Variants in NDUFA5 observed in about 807,000 individuals in gnomAD.
NDUFA5 encodes the protein NADH dehydrogenase [ubiquinone] 1 alpha subcomplex subunit 5.
In NDUFA5, 11 loss-of-function variants were observed where a neutral mutation model predicts 19.8. The ratio of observed to expected loss-of-function variants is 0.56; its 90% CI spans 0.35 to 0.92. The LOEUF (loss-of-function observed/expected upper bound fraction) is 0.92, where lower values mean the gene tolerates loss of function less well. NDUFA5 is among the 40% of genes least tolerant of loss of function. NDUFA5 has a pLI of 0.01. For missense variants in NDUFA5, 109 were observed against 134.2 expected (o/e 0.81, Z 0.93); for synonymous variants, 47 against 46.8 (o/e 1.00, Z -0.01).
upstream of NDUFA5, among the ~76,000 whole-genome samples, chr7:123,562,278 G>A (rs924984913): frequency 2.0e-5 from 3 of 152,012 alleles, no homozygotes; most frequent in East Asian, 3.9e-4. Context: ...CAGGGTCCTA[G>A]GATTTTCAGG....
upstream of NDUFA5, among the ~76,000 whole-genome samples, chr7:123,560,291 A>G (rs1474834133): frequency 6.6e-6 from 1 of 152,228 alleles, no homozygotes; most frequent in Non-Finnish European, 1.5e-5. Flanking sequence ...TTCCACTCTC[A>G]CCACTTCTAT....
chr7:123,589,190 T>C, the NDUFA5 span, among the ~76,000 whole-genome samples: 1 of 151,834 alleles, frequency 6.6e-6, no homozygotes, highest in Admixed American at 6.6e-5. Flanking sequence ...GAACTCTTAA[T>C]ATTTCCTTAC....
the NDUFA5 span, among the ~76,000 whole-genome samples, chr7:123,599,364 C>T: frequency 6.6e-6 from 1 of 152,186 alleles, no homozygotes; most frequent in Non-Finnish European, 1.5e-5. Flanking sequence ...GATAAAGCTC[C>T]AGTTCTGACA....
At chr7:123,589,324 C>A in the NDUFA5 span, among the ~76,000 whole-genome samples, 1 of 96,508 alleles carries the variant, frequency 1.0e-5, no homozygotes, top group Non-Finnish European at 2.1e-5. Flanking sequence ...TTATTATTAT[C>A]ATTATTATTA....
rs756399898 is a variant in NDUFA5, at chr7:123,545,611, C to G, written c.249G>C (p.Gln83His). 6.2e-7 allele frequency: 1 copy of G among 1,610,122 alleles called. No homozygotes were observed. Among genetic ancestry groups the G allele is most frequent in the South Asian group, 1.1e-5 (1 of 90,722 alleles). Reference sequence around the variant, plus strand: ...CCTAAATAGTCAACTTTTTCTTTACCTGAAGAATCACCTCTTCTAATTGAC... The same window carrying G: ...CCTAAATAGTCAACTTTTTCTTTACGTGAAGAATCACCTCTTCTAATTGAC... ...QGGQLEEVIL[Q>H]AEHELNLARK... Residue 83 changes from glutamine (Q) to histidine (H), a missense_variant and splice_region_variant, in exon 4 of 5, where the codon CAG becomes CAC. Coordinates refer to ENST00000355749, the MANE Select transcript of NDUFA5 (RefSeq NM_005000.5).
the NDUFA5 span, among the ~76,000 whole-genome samples, chr7:123,591,549 G>A: frequency 6.6e-6 from 1 of 152,168 alleles, no homozygotes; most frequent in Non-Finnish European, 1.5e-5. Flanking sequence ...TGCACATATT[G>A]AGATAATCAT....
Position 123,541,982 on chromosome 7 carries a change from C to T in NDUFA5, c.*137G>A. 4.1e-6 allele frequency: 2 copies of T among 488,350 alleles called. No individual in the cohort carries two copies. The highest frequency in any genetic ancestry group is 6.8e-6 in the Non-Finnish European group (2 of 294,886). The allele number at this position is 488,350 out of a possible 1,614,324, so 30.3% of individuals were successfully genotyped here. On this transcript the variant is annotated 3_prime_UTR_variant, in exon 5 of 5. Transcript: ENST00000355749. Reference sequence around the variant, plus strand: ...CACATGACCATATTACCATAATCACCAATTTTAACAGTCTCCTACATATTT... The same window carrying T: ...CACATGACCATATTACCATAATCACTAATTTTAACAGTCTCCTACATATTT...
chr7:123,551,545 A>AT (rs1052516288), intron 2 of NDUFA5: 6,530 of 830,450 alleles, frequency 7.9e-3, no homozygotes, highest in Non-Finnish European at 8.6e-3. Flanking sequence ...AGCACTGCAA[A>AT]TTTTTTTTTT....
chr7:123,584,414 T>C, the NDUFA5 span, among the ~76,000 whole-genome samples: 2 of 151,796 alleles, frequency 1.3e-5, no homozygotes, highest in East Asian at 1.9e-4. Context: ...CAGTGTTTTC[T>C]AAAGCTCCCC....
At chr7:123,600,249 A>C in the NDUFA5 span, among the ~76,000 whole-genome samples, 1 of 152,298 alleles carries the variant, frequency 6.6e-6, no homozygotes, top group South Asian at 2.1e-4. Context: ...CTTCAGTAAC[A>C]GGCTCTCATT....
At chr7:123,580,304 G>C in the NDUFA5 span, among the ~76,000 whole-genome samples, 1 of 152,124 alleles carries the variant, frequency 6.6e-6, no homozygotes, top group East Asian at 1.9e-4. Context: ...CTGTTGCACT[G>C]CTTTTTACAT....
the NDUFA5 span, among the ~76,000 whole-genome samples, chr7:123,596,043 T>A: frequency 6.6e-6 from 1 of 152,216 alleles, no homozygotes; most frequent in Admixed American, 6.5e-5. Context: ...GTAAATACTT[T>A]GGGAATATTC....
At chr7:123,599,240 C>A in the NDUFA5 span, among the ~76,000 whole-genome samples, 1 of 151,484 alleles carries the variant, frequency 6.6e-6, no homozygotes, top group Non-Finnish European at 1.5e-5. Flanking sequence ...AACTTAAAAA[C>A]AACAACAAAA....
chr7:123,550,684 TG>T, intron 2 of NDUFA5, 98 bp from the exon 3 acceptor site: 18 of 690,164 alleles, frequency 2.6e-5, no homozygotes, highest in South Asian at 1.3e-4. Flanking sequence ...AACTCACATC[TG>T]TTTTTTTTTT....
the NDUFA5 span, among the ~76,000 whole-genome samples, chr7:123,571,943 T>A: frequency 6.6e-6 from 1 of 151,792 alleles, no homozygotes; most frequent in Non-Finnish European, 1.5e-5. Context: ...CTAGTTTTTT[T>A]AATGTTTTTA....
the NDUFA5 span, among the ~76,000 whole-genome samples, chr7:123,588,864 T>G: frequency 6.6e-6 from 1 of 151,822 alleles, no homozygotes; most frequent in Non-Finnish European, 1.5e-5. Context: ...TCTTCACATA[T>G]TTTTTAATTT....
the NDUFA5 span, among the ~76,000 whole-genome samples, chr7:123,580,924 A>G: frequency 6.6e-6 from 1 of 152,052 alleles, no homozygotes; most frequent in Admixed American, 6.6e-5. Context: ...AAAAGAGACC[A>G]ATATTAACAA....
chr7:123,559,666 G>A (rs116069955), upstream of NDUFA5, among the ~76,000 whole-genome samples: 8,217 of 152,076 alleles, frequency 0.054, 328 homozygotes, highest in African/African-American at 0.099. Flanking sequence ...AGACAGCCTG[G>A]CCAACATGAC....
At chr7:123,556,444 A>G (rs1176074329) in intron 2 of NDUFA5, 2 of 164,026 alleles carry the variant, frequency 1.2e-5, no homozygotes, top group Admixed American at 6.1e-5. Flanking sequence ...CCAAAAGAAA[A>G]GGTCCAAGAA....
Sources: gnomAD v4.1 joint callset for allele counts (sites outside exome capture counted in the v4.1 genomes callset) on GRCh38, gnomAD v4.1.1 for gene constraint, MANE v1.5 for transcripts, NCBI Gene and HGNC (gene_info 2026-07-23, HGNC 2026-07-21) for gene names.